The following ZNF766 variants were observed in gnomAD, a reference collection of about 807,000 sequenced individuals.
ZNF766 encodes zinc finger protein 766.
A neutral mutation model predicts 13.2 loss-of-function variants in ZNF766; 13 were observed. The observed-to-expected ratio is 0.98, with a 90% CI of 0.64 to 1.56. The LOEUF (loss-of-function observed/expected upper bound fraction) is 1.56. ZNF766 is among the 40% of genes most tolerant of loss of function. The pLI, the probability that ZNF766 is intolerant of heterozygous loss-of-function variation, is 0.00. For synonymous variants in ZNF766, 178 were observed against 187.6 expected, an observed-to-expected ratio of 0.95 and a Z score of 0.42; for missense variants, 521 against 552.2, an observed-to-expected ratio of 0.94 and a Z score of 0.57.
Position 52,290,482 on chromosome 19 carries a change from G to A in ZNF766, c.691G>A (p.Ala231Thr), listed in dbSNP as rs374760858. 5.1e-5 allele frequency: 83 copies of A among 1,613,938 alleles called. No individual in the cohort carries two copies. In the East Asian group the frequency reaches 1.2e-3, roughly 24 times the overall value. ...AACCGTCAGGGACAAGTCAGGCCTC[G>A]CAGAACATTGGAGAATTCGTACAGG... ...GKTVRDKSGLAEHWRIRTGEK... is the reference protein window; with the variant it reads ...GKTVRDKSGLTEHWRIRTGEK... Residue 231 changes from alanine (A) to threonine (T), a missense_variant, in exon 4 of 4, where the codon GCA (alanine) becomes ACA (threonine). Physicochemically the swap from Ala to Thr is moderately conservative, Grantham distance 58. Transcript: ENST00000439461.
chr19:52,276,128 C>T (rs1981186720), intron 1 of ZNF766, among the ~76,000 whole-genome samples: 1 of 152,188 alleles, frequency 6.6e-6, no homozygotes, highest in South Asian at 2.1e-4. Flanking sequence ...GTAGGCTATG[C>T]TATCTTGGTT....
chr19:52,269,658 T>A, intron 1 of ZNF766, 27 bp downstream of exon 1: 1 of 1,612,316 alleles, frequency 6.2e-7, no homozygotes, highest in Non-Finnish European at 8.5e-7. Flanking sequence ...TTAGATTAAG[T>A]GTTCGCTTAG....
intron 1 of ZNF766, among the ~76,000 whole-genome samples, chr19:52,281,633 C>G (rs1016356273): frequency 1.3e-5 from 2 of 152,296 alleles, no homozygotes; most frequent in Admixed American, 1.3e-4. Flanking sequence ...TACGCAGATT[C>G]AGATTTTTGT....
Position 52,293,363 on chromosome 19 carries a change from T to TG in ZNF766, c.*2169dup, listed in dbSNP as rs1468656750. The TG allele has an allele frequency of 6.6e-6, 1 of 151,922 alleles. No homozygotes were observed. The highest frequency in any genetic ancestry group is 1.5e-5 in the Non-Finnish European group (1 of 68,030). 9.4% of individuals were successfully genotyped at this position (151,922 alleles called of 1,614,324 possible). A position where few individuals can be genotyped will look rare whatever the true frequency, so the allele number is the denominator to read the frequency against. The stretch of plus-strand genomic sequence containing the variant: ...AATTTTTTTGTATTTTTAGTAGAGA[T>TG]GGGGTTTCACCATGTTGGCCAGGCC... On this transcript the variant is annotated 3_prime_UTR_variant, in exon 4 of 4. Coordinates refer to ENST00000439461, the MANE Select transcript of ZNF766 (RefSeq NM_001010851.3).
At chr19:52,272,947 TC>T (rs1409211626) in intron 1 of ZNF766, among the ~76,000 whole-genome samples, 1 of 152,172 alleles carries the variant, frequency 6.6e-6, no homozygotes, top group African/African-American at 2.4e-5. Context: ...ACCCTGTACT[TC>T]CTGGGGCTTA....
chr19:52,292,059 A>G lies in ZNF766; in HGVS notation c.*861A>G, dbSNP rs186935598. 86 of 673,028 alleles carry G rather than the reference A, an allele frequency of 1.3e-4. 1 individual carries two copies. The highest frequency in any genetic ancestry group is 1.2e-3 in the African/African-American group (66 of 55,974). 41.7% of individuals were successfully genotyped at this position (673,028 alleles called of 1,614,324 possible). A position where few individuals can be genotyped will look rare whatever the true frequency, so the allele number is the denominator to read the frequency against. On this transcript the variant is annotated 3_prime_UTR_variant, in exon 4 of 4. Transcript: ENST00000439461. ...CCATTTGTACTCCAGCTTGGGTGAC[A>G]GAGCGAGACCCTGTCTCAAAAGAAA... is the stretch of plus-strand genomic sequence containing the variant.
At chr19:52,280,985 A>G (rs1467596917) in intron 1 of ZNF766, among the ~76,000 whole-genome samples, 3 of 151,208 alleles carry the variant, frequency 2.0e-5, no homozygotes, top group African/African-American at 7.3e-5. Flanking sequence ...GAGAAAGGCC[A>G]TTTGTACTAA....
chr19:52,269,597 G>C lies in ZNF766; in HGVS notation c.-17G>C. ...CGCGCAGCCGCCTGCAGACCCGGAA[G>C]TGGATGGCGTGGAGATATGGCGCAA... On this transcript the variant is annotated 5_prime_UTR_variant, in exon 1 of 4. Transcript: ENST00000439461. 6.2e-7 allele frequency: 1 copy of C among 1,612,248 alleles called. No homozygotes were observed. Among genetic ancestry groups the C allele is most frequent in the South Asian group, 1.1e-5 (1 of 91,018 alleles).
intron 1 of ZNF766, chr19:52,277,518 G>C: frequency 1.3e-6 from 2 of 1,577,880 alleles, no homozygotes; most frequent in Non-Finnish European, 1.7e-6. Flanking sequence ...GAAAGCAGAG[G>C]AGTCAGGCAT....
chr19:52,272,731 A>C (rs916143166), intron 1 of ZNF766, among the ~76,000 whole-genome samples: 1 of 151,902 alleles, frequency 6.6e-6, no homozygotes, highest in South Asian at 2.1e-4. Flanking sequence ...ACCCTTCCTT[A>C]TCATCTCATC....
chr19:52,272,856 C>CA (rs1981033924), intron 1 of ZNF766, among the ~76,000 whole-genome samples: 1 of 152,186 alleles, frequency 6.6e-6, no homozygotes, highest in South Asian at 2.1e-4. Flanking sequence ...ATCTAACAGG[C>CA]ATCTCCACCT....
chr19:52,285,934 A>G (rs1981794672), intron 3 of ZNF766, among the ~76,000 whole-genome samples: 1 of 152,122 alleles, frequency 6.6e-6, no homozygotes, highest in South Asian at 2.1e-4. Flanking sequence ...GTGGACAAAA[A>G]CCAAGGTATA....
chr19:52,282,382 T>C, intron 2 of ZNF766, 145 bp downstream of exon 2: 1 of 983,732 alleles, frequency 1.0e-6, no homozygotes. Context: ...ATGCCTGTAA[T>C]CCCAGCACTT....
At position 52,283,705 on chromosome 19, in the gene ZNF766, G is replaced by A. The variant is rs186154302; in HGVS notation, c.274+292G>A. 2.4e-3 allele frequency among the ~76,000 whole-genome samples: 358 copies of A among 152,224 alleles called. 3 individuals carry two copies. The highest frequency in any genetic ancestry group is 0.01 in the Middle Eastern group (3 of 294). On this transcript the variant is annotated intron_variant, in intron 3 of 3. Coordinates refer to ENST00000439461, the MANE Select transcript of ZNF766 (RefSeq NM_001010851.3). ...GAGAAATCTTTCTTTACCCCCACCT[G>A]TCACCATGTCCTTTATGTATGTATG...
intron 3 of ZNF766, among the ~76,000 whole-genome samples, chr19:52,287,571 C>T (rs949240633): frequency 3.9e-5 from 6 of 152,150 alleles, no homozygotes; most frequent in Admixed American, 3.9e-4. Flanking sequence ...AATCTTTTTT[C>T]AATATTTGAT....
chr19:52,288,694 GT>G (rs570168757), intron 3 of ZNF766, among the ~76,000 whole-genome samples: 11,684 of 138,108 alleles, frequency 0.085, 522 homozygotes, highest in Middle Eastern at 0.2. Context: ...ACACCCAGCC[GT>G]TTTTTTTTTT....
At chr19:52,280,609 G>A in intron 1 of ZNF766, among the ~76,000 whole-genome samples, 1 of 151,800 alleles carries the variant, frequency 6.6e-6, no homozygotes, top group Admixed American at 6.6e-5. Context: ...TTGAAACTGA[G>A]TCTTGCTCTG....
chr19:52,289,978 G>A, intron 3 of ZNF766, 88 bp from the exon 4 acceptor site: 6 of 1,399,748 alleles, frequency 4.3e-6, no homozygotes, highest in South Asian at 1.4e-5. Flanking sequence ...TCCAGCCTGG[G>A]TGGCAAAGCC....
chr19:52,285,048 A>G (rs187514698), intron 3 of ZNF766: 2 of 152,124 alleles, frequency 1.3e-5, no homozygotes, highest in African/African-American at 2.4e-5. Flanking sequence ...GCTTCTAACC[A>G]TGGCCTGGTC....
Sources: gnomAD v4.1 joint callset for allele counts (sites outside exome capture counted in the v4.1 genomes callset) on GRCh38, gnomAD v4.1.1 for gene constraint, MANE v1.5 for transcripts, NCBI Gene and HGNC (gene_info 2026-07-23, HGNC 2026-07-21) for gene names.